The following METTL24 variants were observed in gnomAD, a reference collection of about 807,000 sequenced individuals.
METTL24 encodes probable methyltransferase-like protein 24.
A neutral mutation model predicts 32.7 loss-of-function variants in METTL24; 29 were observed. That is an observed-to-expected ratio of 0.89 (90% CI 0.66 to 1.21). METTL24 has a LOEUF of 1.21. Among genes scored for constraint, METTL24 ranks in the 50% most tolerant of loss-of-function variants. The probability of loss-of-function intolerance (pLI) is 0.00; values close to 1 mark genes in which losing one functional copy is unlikely to be tolerated. For synonymous variants in METTL24, 163 were observed against 179.5 expected, an observed-to-expected ratio of 0.91 and a Z score of 0.73; for missense variants, 439 against 468.1, an observed-to-expected ratio of 0.94 and a Z score of 0.57.
chr6:110,310,556 A>G (rs1771704186), intron 3 of METTL24, among the ~76,000 whole-genome samples: 2 of 151,984 alleles, frequency 1.3e-5, no homozygotes, highest in South Asian at 4.2e-4. Flanking sequence ...TCTCTTCTCT[A>G]TCCCTTTCTC....
chr6:110,331,361 A>AT (rs111730721), intron 1 of METTL24, among the ~76,000 whole-genome samples: 16,172 of 151,820 alleles, frequency 0.11, 1,422 homozygotes, highest in African/African-American at 0.23. Flanking sequence ...AAAAAAAAAA[A>AT]TTAAAGAAAT....
At chr6:110,313,618 C>T (rs1278607012) in intron 3 of METTL24, among the ~76,000 whole-genome samples, 2 of 152,148 alleles carry the variant, frequency 1.3e-5, no homozygotes, top group South Asian at 2.1e-4. Flanking sequence ...CCAACTTGCA[C>T]GTGGTACTAT....
At chr6:110,275,536 C>T (rs979201426) in intron 4 of METTL24, among the ~76,000 whole-genome samples, 1 of 152,158 alleles carries the variant, frequency 6.6e-6, no homozygotes, top group African/African-American at 2.4e-5. Context: ...TAAGCTACCT[C>T]TCTTCTGCTT....
intron 1 of METTL24, among the ~76,000 whole-genome samples, chr6:110,344,849 C>T (rs988317479): frequency 1.1e-4 from 16 of 152,220 alleles, no homozygotes; most frequent in Non-Finnish European, 2.4e-4. Context: ...CTAGGCAATA[C>T]TATCCTGGAC....
chr6:110,281,291 A>G (rs186903124), intron 4 of METTL24, among the ~76,000 whole-genome samples: 1 of 152,246 alleles, frequency 6.6e-6, no homozygotes, highest in East Asian at 1.9e-4. Context: ...TAGCCATAGG[A>G]AAGTAGTGGA....
At chr6:110,271,935 T>G (rs1353523585) in intron 4 of METTL24, among the ~76,000 whole-genome samples, 1 of 152,236 alleles carries the variant, frequency 6.6e-6, no homozygotes, top group East Asian at 1.9e-4. Context: ...ATAGGAATTT[T>G]TAAATACTTT....
intron 3 of METTL24, among the ~76,000 whole-genome samples, chr6:110,313,655 CA>C (rs1436671713): frequency 6.6e-6 from 1 of 152,210 alleles, no homozygotes; most frequent in Non-Finnish European, 1.5e-5. Flanking sequence ...CACTTTCAGA[CA>C]TTTTTAATGT....
At position 110,347,982 on chromosome 6, in the gene METTL24, C is replaced by T. The variant is rs74560929; in HGVS notation, c.318+9973G>A. Among the ~76,000 whole-genome samples, 616 of 152,282 alleles carry T rather than the reference C, an allele frequency of 4.0e-3. 4 individuals carry two copies. The highest frequency in any genetic ancestry group is 0.015 in the African/African-American group (605 of 41,544). On this transcript the variant is annotated intron_variant, in intron 1 of 4. Transcript: ENST00000338882. ...CCCTGAGCATATTATATATGCATTA[C>T]GTTTCAAGAATAATAAAATAAATAT...
intron 4 of METTL24, among the ~76,000 whole-genome samples, chr6:110,280,981 C>G (rs1191979239): frequency 6.6e-6 from 1 of 152,098 alleles, no homozygotes; most frequent in Non-Finnish European, 1.5e-5. Context: ...TAGTAGTTAT[C>G]TTAGCAGCAG....
At chr6:110,302,426 C>CACACACATATGTGTGTATATACACATAT (rs1771532054) in intron 3 of METTL24, among the ~76,000 whole-genome samples, 1 of 139,424 alleles carries the variant, frequency 7.2e-6, no homozygotes, top group Admixed American at 7.0e-5. Context: ...TACACATATA[C>CACACACATATGTGTGTATATACACATAT]ACACACATAT....
chr6:110,277,195 C>T (rs985338116), intron 4 of METTL24, among the ~76,000 whole-genome samples: 2 of 152,178 alleles, frequency 1.3e-5, no homozygotes, highest in Non-Finnish European at 2.9e-5. Context: ...AATGTCCCTG[C>T]TCTTCCCTCG....
In METTL24 at chr6:110,349,834, C is replaced by A. The variant is rs1772558150; in HGVS notation, c.318+8121G>T. Among the ~76,000 whole-genome samples, 2 of 152,184 alleles carry A rather than the reference C, an allele frequency of 1.3e-5. 1 individual carries two copies. ...TCTTAGTTGTAAACAATAGAAACTA[C>A]CCTGGCTAGTTAAGCAGAAAAGGAT... On this transcript the variant is annotated intron_variant, in intron 1 of 4. Transcript: ENST00000338882.
chr6:110,270,983 G>A (rs568933965), intron 4 of METTL24, among the ~76,000 whole-genome samples: 14 of 151,142 alleles, frequency 9.3e-5, no homozygotes, highest in East Asian at 5.9e-4. Context: ...GACTATATGC[G>A]TGCGCCACTA....
At chr6:110,280,347 A>C (rs934340695) in intron 4 of METTL24, among the ~76,000 whole-genome samples, 1 of 152,194 alleles carries the variant, frequency 6.6e-6, no homozygotes. Context: ...ATATTTTTCC[A>C]TATCAGCAAA....
chr6:110,298,824 G>T, intron 4 of METTL24, 98 bp downstream of exon 4: 1 of 1,001,744 alleles, frequency 1.0e-6, no homozygotes. Context: ...CGGACCTTCA[G>T]CTATCCAATG....
intron 4 of METTL24, among the ~76,000 whole-genome samples, chr6:110,295,013 C>CTTTTTTTTTTTTTTTTTTTTTT (rs1195740747): frequency 1.4e-4 from 11 of 78,126 alleles, no homozygotes; most frequent in Non-Finnish European, 1.5e-4. Flanking sequence ...TTCTTTCTTT[C>CTTTTTTTTTTTTTTTTTTTTTT]TTTTTTTTTT....
intron 3 of METTL24, among the ~76,000 whole-genome samples, chr6:110,301,569 C>G (rs1360284166): frequency 2.0e-5 from 3 of 152,132 alleles, no homozygotes; most frequent in South Asian, 2.1e-4. Context: ...GTCCACCGGC[C>G]CTCTGTAAAA....
intron 4 of METTL24, among the ~76,000 whole-genome samples, chr6:110,268,186 T>A (rs1436386301): frequency 6.6e-6 from 1 of 152,120 alleles, no homozygotes; most frequent in East Asian, 1.9e-4. Context: ...ATGGGAAAAC[T>A]GAGGCCCAAA....
In METTL24 at chr6:110,278,961, G is replaced by A. The variant is rs142244276; in HGVS notation, c.786+19961C>T. On this transcript the variant is annotated intron_variant, in intron 4 of 4. Transcript: ENST00000338882. ...CGCTTCAGCCCAGGAGGTGAAGGCT[G>A]CAGTGAGCTGTAATTGTGCCTTTGC... Among the ~76,000 whole-genome samples, 235 of 152,324 alleles carry A rather than the reference G, an allele frequency of 1.5e-3. 3 individuals are homozygous for A. Among genetic ancestry groups the A allele is most frequent in the African/African-American group, 5.4e-3 (225 of 41,572 alleles).
Sources: allele counts gnomAD v4.1 joint callset (sites outside exome capture counted in the v4.1 genomes callset), GRCh38; gene constraint gnomAD v4.1.1; transcripts MANE v1.5; gene names NCBI Gene and HGNC (gene_info 2026-07-23, HGNC 2026-07-21).